VPS45: variants seen among roughly 807,000 people sequenced by gnomAD.
VPS45 encodes vacuolar protein sorting-associated protein 45.
Under a neutral mutation model 75.9 loss-of-function variants are expected in VPS45, and 35 were observed. The ratio of observed to expected loss-of-function variants is 0.46; its 90% CI spans 0.35 to 0.61. VPS45 has a LOEUF of 0.61. Among genes scored for constraint, VPS45 ranks in the 20% least tolerant of loss-of-function variants. VPS45 has a pLI of 0.00. For missense variants in VPS45, 559 were observed against 685.9 expected (o/e 0.81, Z 2.07); for synonymous variants, 220 against 238.2 (o/e 0.92, Z 0.70).
At chr1:150,086,850 GTCT>G (rs1448309086) in intron 10 of VPS45, among the ~76,000 whole-genome samples, 1 of 152,016 alleles carries the variant, frequency 6.6e-6, no homozygotes, top group Non-Finnish European at 1.5e-5. Flanking sequence ...GCATGTGGAA[GTCT>G]TCTGCCAATT....
At chr1:150,081,755 C>T (rs1007780500) in intron 8 of VPS45, 129 bp from the exon 9 acceptor site, 13 of 676,528 alleles carry the variant, frequency 1.9e-5, no homozygotes, top group African/African-American at 1.8e-5. Flanking sequence ...AGCTAATGTC[C>T]AAATTTGGTA....
intron 10 of VPS45, among the ~76,000 whole-genome samples, chr1:150,086,626 C>T (rs1656028279): frequency 6.6e-6 from 1 of 151,994 alleles, no homozygotes; most frequent in Non-Finnish European, 1.5e-5. Context: ...CAACATTTAG[C>T]CAGTATTTTA....
At chr1:150,131,418 G>GA (rs1658829337) in intron 14 of VPS45, among the ~76,000 whole-genome samples, 10 of 152,110 alleles carry the variant, frequency 6.6e-5, no homozygotes, top group Admixed American at 6.5e-4. Flanking sequence ...TGAGGCAGGA[G>GA]AATCATCGCT....
At chr1:150,074,891 A>C (rs587600824) in intron 3 of VPS45, among the ~76,000 whole-genome samples, 4 of 150,396 alleles carry the variant, frequency 2.7e-5, no homozygotes, top group African/African-American at 7.3e-5. Context: ...ATAAGGACTC[A>C]TTTTTTTAAA....
Position 150,144,964 on chromosome 1 carries a change from T to G in VPS45, c.*168T>G, listed in dbSNP as rs1209964976. 53 of 1,527,390 alleles carry G rather than the reference T, an allele frequency of 3.5e-5. No homozygotes were observed. Among genetic ancestry groups the G allele is most frequent in the Non-Finnish European group, 4.5e-5 (51 of 1,139,890 alleles). The allele number at this position is 1,527,390 out of a possible 1,614,324, so 94.6% of individuals were successfully genotyped here. ...GGCACAGACACAAGACTCCCAGAGTTGTCCTAACAATAAGTCTGAGCCCAT... is the reference window on the plus strand; with the variant it reads ...GGCACAGACACAAGACTCCCAGAGTGGTCCTAACAATAAGTCTGAGCCCAT... On this transcript the variant is annotated 3_prime_UTR_variant, in exon 15 of 15. Coordinates refer to ENST00000644510, the MANE Select transcript of VPS45 (RefSeq NM_007259.5).
intron 6 of VPS45, chr1:150,077,447 CT>C: frequency 6.7e-6 from 5 of 748,470 alleles, no homozygotes; most frequent in Non-Finnish European, 1.0e-5. Flanking sequence ...AGCTATTTAA[CT>C]TTTTTTGGTC....
rs1169645229 is a variant in VPS45, at chr1:150,145,260, A to G, written c.*464A>G. The G allele has an allele frequency of 5.4e-6, 1 of 186,782 alleles. No homozygotes were observed. The highest frequency in any genetic ancestry group is 2.3e-5 in the African/African-American group (1 of 43,018). 11.6% of individuals were successfully genotyped at this position (186,782 alleles called of 1,614,324 possible). On this transcript the variant is annotated 3_prime_UTR_variant, in exon 15 of 15. Coordinates refer to ENST00000644510, the MANE Select transcript of VPS45 (RefSeq NM_007259.5). ...AGCCATCCAAAAATTTTTTGTCCCT[A>G]CATAGCAATTTTCTGTGGCACTGAG...
intron 14 of VPS45, among the ~76,000 whole-genome samples, chr1:150,117,043 A>C (rs1657973264): frequency 6.6e-6 from 1 of 152,018 alleles, no homozygotes; most frequent in Non-Finnish European, 1.5e-5. Context: ...TCTACTAAAA[A>C]TACAAAAATT....
intron 14 of VPS45, among the ~76,000 whole-genome samples, chr1:150,123,667 C>A (rs988901360): frequency 6.6e-6 from 1 of 152,192 alleles, no homozygotes; most frequent in South Asian, 2.1e-4. Context: ...TCCCTGCCAG[C>A]AGTAATTGAC....
intron 13 of VPS45, among the ~76,000 whole-genome samples, chr1:150,096,279 GGA>G (rs1656652036): frequency 6.6e-6 from 1 of 152,188 alleles, no homozygotes; most frequent in Non-Finnish European, 1.5e-5. Context: ...GGAAACAAGA[GGA>G]GAGTGTATTG....
intron 13 of VPS45, among the ~76,000 whole-genome samples, chr1:150,099,552 A>G (rs1397911238): frequency 5.9e-5 from 9 of 151,662 alleles, no homozygotes; most frequent in African/African-American, 2.2e-4. Flanking sequence ...TTGAAGGAAC[A>G]TACCTCAAAA....
intron 3 of VPS45, among the ~76,000 whole-genome samples, chr1:150,075,229 C>G (rs1553797838): frequency 7.3e-6 from 1 of 136,806 alleles, no homozygotes; most frequent in Admixed American, 8.0e-5. Context: ...GTTTCTTAAT[C>G]TTCTGTATAG....
At chr1:150,129,898 C>T (rs914532051) in intron 14 of VPS45, among the ~76,000 whole-genome samples, 3 of 149,028 alleles carry the variant, frequency 2.0e-5, no homozygotes, top group African/African-American at 7.5e-5. Flanking sequence ...GTCACCCAGG[C>T]TGGAATGCAG....
At chr1:150,115,811 A>G (rs998691789) in intron 14 of VPS45, among the ~76,000 whole-genome samples, 22 of 152,034 alleles carry the variant, frequency 1.4e-4, no homozygotes, top group African/African-American at 5.1e-4. Context: ...TGGAAATCTC[A>G]ATTTTGATTT....
rs782026371 is a variant in VPS45 at position 150,067,948 on chromosome 1, A to T, written c.91A>T (p.Thr31Ser). The T allele has an allele frequency of 6.2e-7, 1 of 1,614,054 alleles. No homozygotes were observed. Among genetic ancestry groups the T allele is most frequent in the Admixed American group, 1.7e-5 (1 of 60,020 alleles). ...GAAAGTACTTCTCATGGATAAAGAGACGGTGAGTTTGCTTTTGCTCAGCAT... is the reference window on the plus strand; with the variant it reads ...GAAAGTACTTCTCATGGATAAAGAGTCGGTGAGTTTGCTTTTGCTCAGCAT... ...GMKVLLMDKE[T>S]TGIVSMVYTQ... is the part of the protein sequence containing the mutation. The change falls in exon 1 of 15, where the codon ACG (threonine) becomes TCG (serine). Residue 31 changes from threonine (T) to serine (S), a missense_variant and splice_region_variant. By Grantham distance (58) the Thr-to-Ser change is moderately conservative (BLOSUM62 1). Coordinates refer to ENST00000644510, the MANE Select transcript of VPS45 (RefSeq NM_007259.5).
At chr1:150,077,992 C>T (rs1655492034) in intron 7 of VPS45, among the ~76,000 whole-genome samples, 1 of 152,170 alleles carries the variant, frequency 6.6e-6, no homozygotes, top group Non-Finnish European at 1.5e-5. Context: ...ACCTTTCTGC[C>T]AGTACCTCCA....
At chr1:150,135,609 T>C (rs1204445404) in intron 14 of VPS45, among the ~76,000 whole-genome samples, 1 of 151,610 alleles carries the variant, frequency 6.6e-6, no homozygotes, top group African/African-American at 2.4e-5. Context: ...CAAAGAAAGA[T>C]GTAAGCTGAT....
chr1:150,068,262 A>G, intron 1 of VPS45: 1 of 396,490 alleles, frequency 2.5e-6, no homozygotes, highest in Non-Finnish European at 4.5e-6. Flanking sequence ...TACTGTTTCC[A>G]CTCAACATTG....
At chr1:150,095,258 A>T (rs1656556585) in intron 13 of VPS45, among the ~76,000 whole-genome samples, 1 of 152,186 alleles carries the variant, frequency 6.6e-6, no homozygotes, top group South Asian at 2.1e-4. Flanking sequence ...GGTGGGGAGG[A>T]CTACTTTAGA....
Sources: gnomAD v4.1 joint callset for allele counts (sites outside exome capture counted in the v4.1 genomes callset) on GRCh38, gnomAD v4.1.1 for gene constraint, MANE v1.5 for transcripts, NCBI Gene and HGNC (gene_info 2026-07-23, HGNC 2026-07-21) for gene names.